GLS: variants seen among roughly 807,000 people sequenced by gnomAD.
GLS encodes the protein glutaminase kidney isoform, mitochondrial.
A neutral mutation model predicts 86.7 loss-of-function variants in GLS; 36 were observed. That is an observed-to-expected ratio of 0.42 (90% CI 0.32 to 0.55). The LOEUF is 0.55. Ranked by LOEUF, GLS falls within the 20% of genes least tolerant of loss-of-function variation. The probability of loss-of-function intolerance (pLI) is 0.17; values close to 1 mark genes in which losing one functional copy is unlikely to be tolerated. For synonymous variants in GLS, 317 were observed against 305.9 expected, an observed-to-expected ratio of 1.04 and a Z score of -0.38; for missense variants, 528 against 833.4, an observed-to-expected ratio of 0.63 and a Z score of 4.51.
rs1443863109 is a variant in GLS, at chr2:190,901,796, T to C, written c.736-151T>C. 7 of 581,038 alleles carry C rather than the reference T, an allele frequency of 1.2e-5. No homozygotes were observed. In the East Asian group the frequency reaches 1.7e-4, roughly 14 times the overall value. The allele number at this position is 581,038 out of a possible 1,614,324, so 36.0% of individuals were successfully genotyped here. On this transcript the variant is annotated intron_variant, in intron 4 of 17. Transcript: ENST00000320717. ...TTTTGCCTTTAGTTTTCATGAGCAT[T>C]GTTACAGAAGATAGACTATGAAGCC...
At chr2:190,933,411 TG>T in intron 14 of GLS, 2 of 850,420 alleles carry the variant, frequency 2.4e-6, no homozygotes, top group Non-Finnish European at 2.8e-6. Flanking sequence ...ATGCCATTTT[TG>T]GTGATAGATT....
chr2:190,924,359 A>T lies in GLS; in HGVS notation c.1198-184A>T, dbSNP rs1689834757. ...ATCATTGTCAGTTAAACTAGTATCT[A>T]GAAACTTACATGATGTGATAAAATT... On this transcript the variant is annotated intron_variant, in intron 10 of 17. Coordinates refer to ENST00000320717, the MANE Select transcript of GLS (RefSeq NM_014905.5). This position sits in a 1 kb window ranked among gnomAD's most constrained non-coding sequence, Gnocchi z 5.2. 6.6e-6 allele frequency among the ~76,000 whole-genome samples: 1 copy of T among 152,110 alleles called. No homozygotes were observed. Among genetic ancestry groups the T allele is most frequent in the African/African-American group, 2.4e-5 (1 of 41,450 alleles).
rs1690348063 is a variant in GLS, at chr2:190,938,850, A to T, written c.1650+7213A>T. ...TCTTATGTCCCAGTTGTTAAAAATT[A>T]GTAAAGTTAGAAGTAAATGTTAAAG... On this transcript the variant is annotated intron_variant, in intron 14 of 17. Transcript: ENST00000320717. The surrounding 1 kb of genome is among the most constrained non-coding windows in gnomAD (Gnocchi z 4.1). 6.6e-6 allele frequency among the ~76,000 whole-genome samples: 1 copy of T among 151,778 alleles called. No homozygotes were observed. Among genetic ancestry groups the T allele is most frequent in the South Asian group, 2.1e-4 (1 of 4,832 alleles).
Position 190,880,827 on chromosome 2 carries a change from G to T in GLS, c.-258G>T. On this transcript the variant is annotated 5_prime_UTR_variant, in exon 1 of 18. Transcript: ENST00000320717. ...TCCCCTGCGCTTTAGCCTCAGTGCGGAGCCTTAGGCGGAGCGAAGAGAACC... is the reference window on the plus strand; with the variant it reads ...TCCCCTGCGCTTTAGCCTCAGTGCGTAGCCTTAGGCGGAGCGAAGAGAACC... 1 of 738,728 alleles carries T rather than the reference G, an allele frequency of 1.4e-6. No individual in the cohort carries two copies. The highest frequency in any genetic ancestry group is 1.5e-5 in the South Asian group (1 of 66,524). The allele number at this position is 738,728 out of a possible 1,614,324, so 45.8% of individuals were successfully genotyped here.
At position 190,951,444 on chromosome 2, in the gene GLS, CTG is replaced by C. The variant is rs1690717235; in HGVS notation, c.1651-2120_1651-2119del. Reference sequence around the variant, plus strand: ...GAAATTGTGTCTGTTTTAAGGTAAACTGAGAGAACCAATGAAAGAGGAAAAGT... The same window carrying C: ...GAAATTGTGTCTGTTTTAAGGTAAACAGAGAACCAATGAAAGAGGAAAAGT... On this transcript the variant is annotated intron_variant, in intron 14 of 17. Coordinates refer to ENST00000320717, the MANE Select transcript of GLS (RefSeq NM_014905.5). The surrounding 1 kb of genome is among the most constrained non-coding windows in gnomAD (Gnocchi z 4.2). Among the ~76,000 whole-genome samples the C allele has an allele frequency of 6.6e-6, 1 of 151,924 alleles. No homozygotes were observed. Among genetic ancestry groups the C allele is most frequent in the Non-Finnish European group, 1.5e-5 (1 of 68,008 alleles).
At position 190,895,520 on chromosome 2, in the gene GLS, T is replaced by C; in HGVS notation, c.484-84T>C. The C allele has an allele frequency of 1.0e-6, 1 of 959,058 alleles. No individual in the cohort carries two copies. The highest frequency in any genetic ancestry group is 1.5e-6 in the Non-Finnish European group (1 of 647,934). 59.4% of individuals were successfully genotyped at this position (959,058 alleles called of 1,614,324 possible). A position where few individuals can be genotyped will look rare whatever the true frequency, so the allele number is the denominator to read the frequency against. ...CAAGTGTTGGGTAGAAGTTTTTATA[T>C]ACAGGAATAAAATCTTATAGTTGGT... On this transcript the variant is annotated intron_variant, in intron 2 of 17. Transcript: ENST00000320717. This position sits in a 1 kb window ranked among gnomAD's most constrained non-coding sequence, Gnocchi z 4.2.
In GLS at chr2:190,930,155, C is replaced by G. The variant is rs1376067469; in HGVS notation, c.1426-282C>G. On this transcript the variant is annotated intron_variant, in intron 12 of 17. Transcript: ENST00000320717. This position sits in a 1 kb window ranked among gnomAD's most constrained non-coding sequence, Gnocchi z 5.0. ...GATCATGGCTCACTGTAGCCTTGAC[C>G]TCCTGAGGTCATGTAATCCTCCCAC... is the stretch of plus-strand genomic sequence containing the variant. Among the ~76,000 whole-genome samples, 1 of 151,972 alleles carries G rather than the reference C, an allele frequency of 6.6e-6. No individual in the cohort carries two copies. The highest frequency in any genetic ancestry group is 1.5e-5 in the Non-Finnish European group (1 of 68,014).
At chr2:190,891,510 G>A (rs781761394) in intron 1 of GLS, among the ~76,000 whole-genome samples, 2 of 152,004 alleles carry the variant, frequency 1.3e-5, no homozygotes, top group East Asian at 3.9e-4. Flanking sequence ...ACAGGTCATT[G>A]AGTCTAGTCA....
At chr2:190,908,078 A>G (rs1301302220) in intron 6 of GLS, among the ~76,000 whole-genome samples, 2 of 152,160 alleles carry the variant, frequency 1.3e-5, no homozygotes, top group African/African-American at 2.4e-5. Context: ...ACCATCCTCA[A>G]TGGGCACTGC....
Position 190,953,950 on chromosome 2 carries a change from ATGTGTGTG to A in GLS, c.1712+363_1712+370del, listed in dbSNP as rs57991546. Among the ~76,000 whole-genome samples the A allele has an allele frequency of 0.023, 3,166 of 136,642 alleles. 40 individuals are homozygous for A. Among genetic ancestry groups the A allele is most frequent in the African/African-American group, 0.028 (1,025 of 36,236 alleles). 89.6% of individuals were successfully genotyped at this position (136,642 alleles called of 152,430 possible). A position where few individuals can be genotyped will look rare whatever the true frequency, so the allele number is the denominator to read the frequency against. On this transcript the variant is annotated intron_variant, in intron 15 of 17. Coordinates refer to ENST00000320717, the MANE Select transcript of GLS (RefSeq NM_014905.5). The surrounding 1 kb of genome is among the most constrained non-coding windows in gnomAD (Gnocchi z 4.0). Reference sequence around the variant, plus strand: ...CTACCCTCCATTCCCAATCTTTGATATGTGTGTGTGTGTGTGTGTGTGTGTGTGTGTGT... The same window carrying A: ...CTACCCTCCATTCCCAATCTTTGATATGTGTGTGTGTGTGTGTGTGTGTGT...
At position 190,895,475 on chromosome 2, in the gene GLS, TA is replaced by T; in HGVS notation, c.484-127del. 1.6e-6 allele frequency: 1 copy of T among 639,446 alleles called. No homozygotes were observed. Among genetic ancestry groups the T allele is most frequent in the Non-Finnish European group, 2.6e-6 (1 of 378,106 alleles). The allele number at this position is 639,446 out of a possible 1,614,324, so 39.6% of individuals were successfully genotyped here. A position where few individuals can be genotyped will look rare whatever the true frequency, so the allele number is the denominator to read the frequency against. ...TCCAGAAAGTGGGTAATAGTGACAC[TA>T]AGATGCCATATTCATGTTCAAGTGT... On this transcript the variant is annotated intron_variant, in intron 2 of 17. Coordinates refer to ENST00000320717, the MANE Select transcript of GLS (RefSeq NM_014905.5). This position sits in a 1 kb window ranked among gnomAD's most constrained non-coding sequence, Gnocchi z 4.2.
chr2:190,939,636 TTTATATGTG>T, intron 14 of GLS, among the ~76,000 whole-genome samples: 1 of 151,846 alleles, frequency 6.6e-6, no homozygotes, highest in Non-Finnish European at 1.5e-5. Context: ...TTTTTGTTAT[TTTATATGTG>T]TTATATGTGT....
chr2:190,944,607 T>C (rs1690535468), intron 14 of GLS, among the ~76,000 whole-genome samples: 3 of 152,218 alleles, frequency 2.0e-5, no homozygotes, highest in Non-Finnish European at 2.9e-5. Flanking sequence ...CACAAAGATA[T>C]ATTGTTAGCT....
chr2:190,959,897 T>G (rs1690958691), intron 17 of GLS, among the ~76,000 whole-genome samples: 1 of 152,194 alleles, frequency 6.6e-6, no homozygotes, highest in Admixed American at 6.5e-5. Context: ...TTGGAATCAG[T>G]TTCAGAAGGC....
At chr2:190,936,611 C>T (rs1387899715) in intron 14 of GLS, among the ~76,000 whole-genome samples, 1 of 150,936 alleles carries the variant, frequency 6.6e-6, no homozygotes, top group Non-Finnish European at 1.5e-5. Context: ...CCATTCACTA[C>T]CAGGACTGCC....
chr2:190,882,694 G>GA (rs983633702), intron 1 of GLS, among the ~76,000 whole-genome samples: 1 of 152,062 alleles, frequency 6.6e-6, no homozygotes, highest in African/African-American at 2.4e-5. Context: ...AAGATTATTT[G>GA]AAAAAAATCA....
chr2:190,886,706 A>G lies in GLS; in HGVS notation c.386+5236A>G, dbSNP rs185731812. 3.3e-3 allele frequency among the ~76,000 whole-genome samples: 505 copies of G among 152,338 alleles called. 8 individuals carry two copies. The highest frequency in any genetic ancestry group is 0.012 in the African/African-American group (496 of 41,584). Reference sequence around the variant, plus strand: ...CAAAGCAGGTGGATCAGTTGAGGTCAGGAGCTTGAGACCAGCCTGGCCAAC... The same window carrying G: ...CAAAGCAGGTGGATCAGTTGAGGTCGGGAGCTTGAGACCAGCCTGGCCAAC... On this transcript the variant is annotated intron_variant, in intron 1 of 17. Coordinates refer to ENST00000320717, the MANE Select transcript of GLS (RefSeq NM_014905.5).
Position 190,924,428 on chromosome 2 carries a change from C to A in GLS, c.1198-115C>A. ...TTTATACTCTTTTAGAAGTTACATGCTATTTTATTAATTAAAATGAAACAC... is the reference window on the plus strand; with the variant it reads ...TTTATACTCTTTTAGAAGTTACATGATATTTTATTAATTAAAATGAAACAC... On this transcript the variant is annotated intron_variant, in intron 10 of 17. Coordinates refer to ENST00000320717, the MANE Select transcript of GLS (RefSeq NM_014905.5). The surrounding 1 kb of genome is among the most constrained non-coding windows in gnomAD (Gnocchi z 5.2). 1.4e-6 allele frequency: 1 copy of A among 695,098 alleles called. No homozygotes were observed. The highest frequency in any genetic ancestry group is 2.6e-6 in the Non-Finnish European group (1 of 384,406). 43.1% of individuals were successfully genotyped at this position (695,098 alleles called of 1,614,324 possible).
At position 190,955,290 on chromosome 2, in the gene GLS, C is replaced by A. The variant is rs1690834493; in HGVS notation, c.1853+472C>A. Among the ~76,000 whole-genome samples the A allele has an allele frequency of 6.6e-6, 1 of 152,116 alleles. No individual in the cohort carries two copies. Among genetic ancestry groups the A allele is most frequent in the African/African-American group, 2.4e-5 (1 of 41,408 alleles). ...TGCGATCCCTCCCTTACCCTGACCC[C>A]CAAACAGGCCCTGGTGTGTGATGTT... On this transcript the variant is annotated intron_variant, in intron 17 of 17. Coordinates refer to ENST00000320717, the MANE Select transcript of GLS (RefSeq NM_014905.5). This position sits in a 1 kb window ranked among gnomAD's most constrained non-coding sequence, Gnocchi z 5.6.
Sources: gnomAD v4.1 joint callset for allele counts (sites outside exome capture counted in the v4.1 genomes callset) on GRCh38, gnomAD v4.1.1 for gene constraint, Gnocchi (gnomAD v3.1) non-coding constraint, MANE v1.5 for transcripts, NCBI Gene and HGNC (gene_info 2026-07-23, HGNC 2026-07-21) for gene names.